The following FOXP1 variants were observed in gnomAD, a reference collection of about 807,000 sequenced individuals.
FOXP1 encodes the protein forkhead box P1.
A neutral mutation model predicts 98.2 loss-of-function variants in FOXP1; 15 were observed. That is an observed-to-expected ratio of 0.15 (90% CI 0.10 to 0.24). The LOEUF (loss-of-function observed/expected upper bound fraction) is 0.24, where lower values mean the gene tolerates loss of function less well. Ranked by LOEUF, FOXP1 falls within the 10% of genes least tolerant of loss-of-function variation. FOXP1 has a pLI of 1.00. For synonymous variants in FOXP1, 371 were observed against 314.5 expected (o/e 1.18, Z -1.90); for missense variants, 633 against 848.5 (o/e 0.75, Z 3.15).
intron 14 of FOXP1, among the ~76,000 whole-genome samples, chr3:70,978,367 G>C (rs371163972): frequency 6.6e-6 from 1 of 152,180 alleles, no homozygotes; most frequent in African/African-American, 2.4e-5. Flanking sequence ...TCGCCCATCA[G>C]GCCTTGTCAA....
chr3:71,126,589 C>T (rs966587399), intron 6 of FOXP1, among the ~76,000 whole-genome samples: 22 of 151,942 alleles, frequency 1.4e-4, no homozygotes, highest in Admixed American at 1.3e-4. Flanking sequence ...TTTGGGAGGC[C>T]GAGGCAGGGA....
chr3:71,387,980 C>T (rs66535358), intron 3 of FOXP1, among the ~76,000 whole-genome samples: 2 of 152,176 alleles, frequency 1.3e-5, no homozygotes, highest in South Asian at 2.1e-4. Flanking sequence ...CAATTTTTCC[C>T]GAAAGTCTGT....
At chr3:71,213,275 G>A (rs1309547587) in intron 5 of FOXP1, among the ~76,000 whole-genome samples, 2 of 152,144 alleles carry the variant, frequency 1.3e-5, no homozygotes, top group Non-Finnish European at 2.9e-5. Context: ...GACAACTAAG[G>A]CAAGCCCTTC....
At chr3:71,093,231 C>A (rs574628518) in intron 7 of FOXP1, among the ~76,000 whole-genome samples, 237 of 141,672 alleles carry the variant, frequency 1.7e-3, no homozygotes, top group Non-Finnish European at 3.0e-3. Context: ...TCAGCCTGGG[C>A]GACAAGAGCA....
chr3:71,582,478 G>A lies in FOXP1; in HGVS notation c.-446-781C>T, dbSNP rs944264410. On this transcript the variant is annotated intron_variant, in intron 1 of 20. Transcript: ENST00000649528. ...ACAGGAATAGAGCGCAGGGAGCTCG[G>A]GAGGAAGGCTGCGCGCAAGCGAGGG... is the stretch of plus-strand genomic sequence containing the variant. 7 of 985,440 alleles carry A rather than the reference G, an allele frequency of 7.1e-6. No homozygotes were observed. The African/African-American group carries it at 1.0e-4, about 15-fold the overall frequency. 61.0% of individuals were successfully genotyped at this position (985,440 alleles called of 1,614,324 possible). A position where few individuals can be genotyped will look rare whatever the true frequency, so the allele number is the denominator to read the frequency against.
intron 3 of FOXP1, among the ~76,000 whole-genome samples, chr3:71,362,277 T>C (rs1254535203): frequency 6.6e-6 from 1 of 152,168 alleles, no homozygotes; most frequent in Non-Finnish European, 1.5e-5. Context: ...GTTCAAGCAA[T>C]TCTTCTGCCT....
chr3:71,383,271 G>A (rs2080313995), intron 3 of FOXP1, among the ~76,000 whole-genome samples: 1 of 152,132 alleles, frequency 6.6e-6, no homozygotes. Context: ...AATTTCTAGG[G>A]GAAGGGGAAG....
intron 9 of FOXP1, among the ~76,000 whole-genome samples, chr3:71,051,016 A>G (rs551633943): frequency 1.0e-3 from 158 of 152,180 alleles, no homozygotes; most frequent in Non-Finnish European, 1.8e-3. Flanking sequence ...TTCTTTGTCC[A>G]GAGTGATGCC....
intron 4 of FOXP1, among the ~76,000 whole-genome samples, chr3:71,339,451 C>T (rs1036341756): frequency 1.3e-5 from 2 of 152,236 alleles, no homozygotes; most frequent in African/African-American, 4.8e-5. Flanking sequence ...TGTATAATTA[C>T]TAGGGCTCCT....
At chr3:71,143,897 T>C (rs1214528579) in intron 6 of FOXP1, among the ~76,000 whole-genome samples, 1 of 152,194 alleles carries the variant, frequency 6.6e-6, no homozygotes, top group African/African-American at 2.4e-5. Context: ...AAGATGGGGC[T>C]AAGTAAATAT....
intron 20 of FOXP1, among the ~76,000 whole-genome samples, chr3:70,960,841 A>AT (rs549719513): frequency 0.14 from 19,784 of 137,242 alleles, 2,807 homozygotes; most frequent in East Asian, 0.53. Flanking sequence ...TAAAAAAATA[A>AT]TTTTTTTTTT....
intron 1 of FOXP1, chr3:71,582,844 G>T (rs1247453699): frequency 1.0e-6 from 1 of 967,418 alleles, no homozygotes; most frequent in African/African-American, 1.8e-5. Flanking sequence ...CTTCCTCGCC[G>T]CTGACTCTCG....
chr3:71,503,819 C>T (rs2041604311), intron 2 of FOXP1, among the ~76,000 whole-genome samples: 1 of 152,094 alleles, frequency 6.6e-6, no homozygotes, highest in South Asian at 2.1e-4. Flanking sequence ...ACTAAGTAGC[C>T]TTGTTTTCCA....
chr3:71,118,094 T>C (rs2058507317), intron 6 of FOXP1, among the ~76,000 whole-genome samples: 1 of 152,202 alleles, frequency 6.6e-6, no homozygotes, highest in Non-Finnish European at 1.5e-5. Flanking sequence ...AACTGCCCGA[T>C]GGCTGGCATG....
At chr3:71,056,242 A>C (rs1368508554) in intron 7 of FOXP1, among the ~76,000 whole-genome samples, 2 of 152,220 alleles carry the variant, frequency 1.3e-5, no homozygotes, top group Non-Finnish European at 2.9e-5. Flanking sequence ...AACTCAGGTA[A>C]AACTAGAAGC....
chr3:71,441,963 T>C (rs549985462), intron 3 of FOXP1, among the ~76,000 whole-genome samples: 1 of 152,258 alleles, frequency 6.6e-6, no homozygotes, highest in African/African-American at 2.4e-5. Flanking sequence ...TTCTGCCTGA[T>C]GTTATTTGCA....
intron 3 of FOXP1, among the ~76,000 whole-genome samples, chr3:71,409,920 C>G (rs75633513): frequency 6.6e-6 from 1 of 152,082 alleles, no homozygotes; most frequent in African/African-American, 2.4e-5. Context: ...AAGGGTGAGA[C>G]GGGAGGATAA....
intron 4 of FOXP1, among the ~76,000 whole-genome samples, chr3:71,326,580 G>A (rs2075704996): frequency 6.9e-6 from 1 of 144,546 alleles, no homozygotes; most frequent in African/African-American, 2.5e-5. Context: ...AAGGAAGGAA[G>A]GGAGAGTTTG....
At chr3:71,052,748 T>G (rs746099061) in intron 8 of FOXP1, 122 bp from the exon 9 acceptor site, 38 of 723,850 alleles carry the variant, frequency 5.2e-5, no homozygotes, top group Admixed American at 2.0e-4. Context: ...GGCCTGACCT[T>G]TAGTTTGAAA....
Sources: gnomAD v4.1 joint callset for allele counts (sites outside exome capture counted in the v4.1 genomes callset) on GRCh38, gnomAD v4.1.1 for gene constraint, MANE v1.5 for transcripts, NCBI Gene and HGNC (gene_info 2026-07-23, HGNC 2026-07-21) for gene names.